TMTC4: variants seen among roughly 807,000 people sequenced by gnomAD.
The protein encoded by TMTC4 is transmembrane O-mannosyltransferase targeting cadherins 4.
A neutral mutation model predicts 86.0 loss-of-function variants in TMTC4; 65 were observed. That is an observed-to-expected ratio of 0.76 (90% CI 0.62 to 0.93). TMTC4 has a LOEUF of 0.93. Ranked by LOEUF, TMTC4 falls within the 40% of genes least tolerant of loss-of-function variation. TMTC4 has a pLI of 0.00. For missense variants in TMTC4, 866 were observed against 948.1 expected (o/e 0.91, Z 1.14); for synonymous variants, 379 against 382.5 (o/e 0.99, Z 0.11).
intron 17 of TMTC4, among the ~76,000 whole-genome samples, chr13:100,611,513 A>C (rs989597586): frequency 2.0e-5 from 3 of 152,174 alleles, no homozygotes; most frequent in Non-Finnish European, 4.4e-5. Flanking sequence ...TGAACCCGGG[A>C]GGCGGAGCTT....
intron 5 of TMTC4, among the ~76,000 whole-genome samples, chr13:100,662,591 C>G (rs1885912576): frequency 6.6e-6 from 1 of 152,120 alleles, no homozygotes; most frequent in Admixed American, 6.5e-5. Context: ...AGTTCTTAGC[C>G]TCTGAACTTT....
intron 7 of TMTC4, among the ~76,000 whole-genome samples, chr13:100,640,000 G>A (rs1882805186): frequency 6.6e-6 from 1 of 151,772 alleles, no homozygotes; most frequent in African/African-American, 2.4e-5. Context: ...GCACAGAGGA[G>A]CCTCCCGAGG....
chr13:100,645,781 G>A (rs985430966), intron 6 of TMTC4, among the ~76,000 whole-genome samples: 1 of 152,170 alleles, frequency 6.6e-6, no homozygotes, highest in Admixed American at 6.5e-5. Context: ...TGTCATTCCC[G>A]AGTCGAGGGT....
chr13:100,624,347 A>T (rs1468863200), intron 15 of TMTC4: 10 of 45,948 alleles, frequency 2.2e-4, no homozygotes, highest in East Asian at 1.8e-3. Flanking sequence ...GTCTCAAAAA[A>T]AAAAAATAAA....
At chr13:100,654,757 A>G (rs931570702) in intron 6 of TMTC4, among the ~76,000 whole-genome samples, 11 of 152,162 alleles carry the variant, frequency 7.2e-5, no homozygotes, top group Admixed American at 7.2e-4. Context: ...GTTTAGTATC[A>G]TAATAGCTTT....
At position 100,630,220 on chromosome 13, in the gene TMTC4, T is replaced by C. The variant is rs116472920; in HGVS notation, c.1507-4070A>G. On this transcript the variant is annotated intron_variant, in intron 12 of 18. Transcript: ENST00000342624. ...ACATCCTGCCTTATCCATCTTAACC[T>C]ACAGTTACAGCACTTCGTCAAACAT... Among the ~76,000 whole-genome samples the C allele has an allele frequency of 5.7e-3, 875 of 152,284 alleles. 5 individuals carry two copies. Among genetic ancestry groups the C allele is most frequent in the South Asian group, 0.019 (91 of 4,824 alleles).
In TMTC4 at chr13:100,612,424, C is replaced by A. The variant is rs150667259; in HGVS notation, c.2038G>T (p.Val680Leu). ...TTGTATTTCTGGGATTTCCCCAGCACGTTTGCCAACGAGAACATGAGAGAG... is the reference window on the plus strand; with the variant it reads ...TTGTATTTCTGGGATTTCCCCAGCAAGTTTGCCAACGAGAACATGAGAGAG... ...DHSLMFSLAN[V>L]LGKSQKYKES... The change falls in exon 17 of 19, where the codon GTG becomes TTG. Residue 680 changes from valine (V) to leucine (L), a missense_variant. Coordinates refer to ENST00000342624, the MANE Select transcript of TMTC4 (RefSeq NM_032813.5). The A allele has an allele frequency of 6.2e-7, 1 of 1,609,846 alleles. No homozygotes were observed. The highest frequency in any genetic ancestry group is 1.3e-5 in the African/African-American group (1 of 74,874).
At chr13:100,656,317 C>A in intron 6 of TMTC4, 64 bp downstream of exon 6, 1 of 1,414,364 alleles carries the variant, frequency 7.1e-7, no homozygotes, top group South Asian at 1.2e-5. Flanking sequence ...TATGTTAAGA[C>A]ACTGCTCAAC....
chr13:100,650,763 G>A (rs1431980802), intron 6 of TMTC4, among the ~76,000 whole-genome samples: 3 of 152,224 alleles, frequency 2.0e-5, no homozygotes, highest in Admixed American at 6.5e-5. Flanking sequence ...GACTCCCACC[G>A]TCAGAATGCA....
At chr13:100,636,790 A>G (rs922141320) in intron 9 of TMTC4, 56 bp from the exon 10 acceptor site, 6 of 1,571,280 alleles carry the variant, frequency 3.8e-6, no homozygotes, top group Non-Finnish European at 5.2e-6. Flanking sequence ...AAAAACACAT[A>G]TATACGCACT....
chr13:100,627,302 G>T (rs1205244971), intron 12 of TMTC4, among the ~76,000 whole-genome samples: 1 of 152,204 alleles, frequency 6.6e-6, no homozygotes, highest in East Asian at 1.9e-4. Flanking sequence ...GCCGGCGCGG[G>T]GCGGGGTCTG....
At chr13:100,673,007 A>C (rs1346068231) in intron 1 of TMTC4, among the ~76,000 whole-genome samples, 1 of 152,190 alleles carries the variant, frequency 6.6e-6, no homozygotes, top group Non-Finnish European at 1.5e-5. Flanking sequence ...CAGAGGGCAC[A>C]ACCCAGGAGG....
At chr13:100,619,556 G>A (rs1483751800) in intron 15 of TMTC4, among the ~76,000 whole-genome samples, 7 of 152,136 alleles carry the variant, frequency 4.6e-5, no homozygotes, top group Non-Finnish European at 1.0e-4. Flanking sequence ...CAACAAAAAC[G>A]TTCTGACTTG....
Position 100,615,598 on chromosome 13 carries a change from G to A in TMTC4, c.1837-1168C>T, listed in dbSNP as rs1416590160. The stretch of plus-strand genomic sequence containing the variant: ...CTCCTGAGCAGCTGGGATCACAGAC[G>A]TGTGTCACCATGCCTGGCTGATTTT... On this transcript the variant is annotated intron_variant, in intron 15 of 18. Coordinates refer to ENST00000342624, the MANE Select transcript of TMTC4 (RefSeq NM_032813.5). Among the ~76,000 whole-genome samples, 4 of 152,260 alleles carry A rather than the reference G, an allele frequency of 2.6e-5. No homozygotes were observed. In the South Asian group the frequency reaches 6.2e-4, roughly 24 times the overall value.
Position 100,642,299 on chromosome 13 carries a change from C to T in TMTC4, c.653G>A (p.Gly218Glu), listed in dbSNP as rs757019015. The change falls in exon 7 of 19, where the codon GGA becomes GAA. Residue 218 changes from glycine (G) to glutamate (E), a missense_variant. Transcript: ENST00000342624. ...CKAFRESNKEGAHSSTFWVLL... is the reference protein window; with the variant it reads ...CKAFRESNKEEAHSSTFWVLL... The stretch of plus-strand genomic sequence containing the variant: ...CACCCAGAAGGTGGAAGAATGCGCT[C>T]CCTCCTTGTTACCTGCCAATTAAGA... 4 of 1,614,074 alleles carry T rather than the reference C, an allele frequency of 2.5e-6. No homozygotes were observed. The Admixed American group carries it at 6.7e-5, about 27-fold the overall frequency.
intron 1 of TMTC4, chr13:100,674,219 G>T (rs1323870362): frequency 1.0e-6 from 1 of 981,454 alleles, no homozygotes; most frequent in Non-Finnish European, 1.2e-6. Context: ...CTCCGCAGCC[G>T]AGCGTGGAGT....
In TMTC4 at chr13:100,626,115, T is replaced by C. The variant is rs200763476; in HGVS notation, c.1542A>G (p.Lys514=). The C allele has an allele frequency of 1.2e-6, 2 of 1,614,240 alleles. No homozygotes were observed. The highest frequency in any genetic ancestry group is 2.2e-5 in the East Asian group (1 of 44,892). Residue 514 remains lysine (K), a synonymous_variant, in exon 13 of 19, where the codon AAA becomes AAG. Coordinates refer to ENST00000342624, the MANE Select transcript of TMTC4 (RefSeq NM_032813.5). ...HYNIGKNLAD[K]GNQTAAIRYY... ...ATCTGATGGCAGCTGTCTGGTTGCCTTTATCAGCCAGGTTTTTGCCAATGT... is the reference window on the plus strand; with the variant it reads ...ATCTGATGGCAGCTGTCTGGTTGCCCTTATCAGCCAGGTTTTTGCCAATGT...
chr13:100,632,047 ACACACACTCTCTCT>A (rs751832277), intron 12 of TMTC4, among the ~76,000 whole-genome samples: 1,706 of 63,088 alleles, frequency 0.027, 7 homozygotes, highest in East Asian at 0.11. Context: ...ACACACACAC[ACACACACTCTCTCT>A]CTCTCTCTCT....
chr13:100,670,017 C>T lies in TMTC4; in HGVS notation c.3+343G>A, dbSNP rs549794821. 3.3e-5 allele frequency among the ~76,000 whole-genome samples: 5 copies of T among 152,154 alleles called. No homozygotes were observed. The South Asian group carries it at 6.2e-4, about 19-fold the overall frequency. ...GCTGTAATGAAGGCTCAGGGGAGGC[C>T]GGCTACTATTACTAATACTTTCTTC... On this transcript the variant is annotated intron_variant, in intron 2 of 18. Coordinates refer to ENST00000342624, the MANE Select transcript of TMTC4 (RefSeq NM_032813.5).
Sources: gnomAD v4.1 joint callset for allele counts (sites outside exome capture counted in the v4.1 genomes callset) on GRCh38, gnomAD v4.1.1 for gene constraint, MANE v1.5 for transcripts, NCBI Gene and HGNC (gene_info 2026-07-23, HGNC 2026-07-21) for gene names.